The following DLG2 variants were observed in gnomAD, a reference collection of about 807,000 sequenced individuals.
The protein encoded by DLG2 is discs large MAGUK scaffold protein 2.
Under a neutral mutation model 132.5 loss-of-function variants are expected in DLG2, and 45 were observed. The ratio of observed to expected loss-of-function variants is 0.34; its 90% CI spans 0.27 to 0.44. The LOEUF is 0.44. Ranked by LOEUF, DLG2 falls within the 20% of genes least tolerant of loss-of-function variation. DLG2 has a pLI of 1.00. For synonymous variants in DLG2, 424 were observed against 419.6 expected, an observed-to-expected ratio of 1.01 and a Z score of -0.13; for missense variants, 1,045 against 1,196.9, an observed-to-expected ratio of 0.87 and a Z score of 1.87.
At chr11:85,053,632 C>CAAAAAA (rs574119257) in intron 6 of DLG2, among the ~76,000 whole-genome samples, 69 of 91,162 alleles carry the variant, frequency 7.6e-4, no homozygotes, top group Admixed American at 5.0e-3. Context: ...ACTAAAAATA[C>CAAAAAA]AAAAAAAAAA....
chr11:83,815,964 C>A (rs532763779), intron 17 of DLG2, among the ~76,000 whole-genome samples: 1 of 152,146 alleles, frequency 6.6e-6, no homozygotes, highest in East Asian at 1.9e-4. Context: ...TATGCCAAGT[C>A]GGACCCACTC....
At chr11:83,960,316 G>C (rs1490374994) in intron 14 of DLG2, among the ~76,000 whole-genome samples, 1 of 152,036 alleles carries the variant, frequency 6.6e-6, no homozygotes, top group Non-Finnish European at 1.5e-5. Flanking sequence ...AACTCTGCTA[G>C]TGCTACATAA....
chr11:84,156,249 T>C (rs2095426868), intron 9 of DLG2, among the ~76,000 whole-genome samples: 1 of 152,216 alleles, frequency 6.6e-6, no homozygotes, highest in Non-Finnish European at 1.5e-5. Context: ...TGGATTCTTA[T>C]GACATTAGCA....
intron 6 of DLG2, among the ~76,000 whole-genome samples, chr11:84,765,546 G>A (rs2068288195): frequency 6.6e-6 from 1 of 151,884 alleles, no homozygotes; most frequent in Non-Finnish European, 1.5e-5. Flanking sequence ...CATTTTTTAG[G>A]ATCTACTGTT....
At chr11:85,404,781 T>C (rs970539564) in intron 3 of DLG2, among the ~76,000 whole-genome samples, 7 of 152,054 alleles carry the variant, frequency 4.6e-5, no homozygotes, top group African/African-American at 1.7e-4. Context: ...TAAAACATGC[T>C]GACTCTTAAC....
intron 7 of DLG2, among the ~76,000 whole-genome samples, chr11:84,277,978 T>C (rs1221202535): frequency 1.3e-5 from 2 of 151,824 alleles, no homozygotes; most frequent in Non-Finnish European, 2.9e-5. Context: ...ACTGAAGACT[T>C]GAAATCCTGG....
At chr11:83,850,505 G>C (rs1050141418) in intron 16 of DLG2, among the ~76,000 whole-genome samples, 1 of 151,978 alleles carries the variant, frequency 6.6e-6, no homozygotes, top group Non-Finnish European at 1.5e-5. Flanking sequence ...AGAGAGATGG[G>C]GAGTGGGATA....
intron 9 of DLG2, among the ~76,000 whole-genome samples, chr11:84,158,597 G>T (rs920812359): frequency 6.6e-6 from 1 of 152,136 alleles, no homozygotes; most frequent in Admixed American, 6.5e-5. Context: ...GTAAAATGGA[G>T]TTAGCAACAT....
At chr11:84,916,410 T>C (rs930328462) in intron 6 of DLG2, among the ~76,000 whole-genome samples, 9 of 132,112 alleles carry the variant, frequency 6.8e-5, no homozygotes, top group African/African-American at 2.0e-4. Flanking sequence ...TAATTACTTA[T>C]CAAAGTATTT....
At chr11:84,784,321 A>AAAATAAAT (rs58436058) in intron 6 of DLG2, among the ~76,000 whole-genome samples, 8,521 of 124,244 alleles carry the variant, frequency 0.069, 384 homozygotes, top group East Asian at 0.21. Flanking sequence ...ACTCCACCTC[A>AAAATAAAT]AAATAAATAA....
chr11:84,522,095 G>A (rs1311119172), intron 7 of DLG2, among the ~76,000 whole-genome samples: 2 of 151,926 alleles, frequency 1.3e-5, no homozygotes, highest in Admixed American at 6.6e-5. Context: ...TTGAATCCAG[G>A]AGGCAGAGAC....
chr11:83,943,736 C>T (rs2083181620), intron 14 of DLG2, among the ~76,000 whole-genome samples: 1 of 152,174 alleles, frequency 6.6e-6, no homozygotes, highest in Non-Finnish European at 1.5e-5. Flanking sequence ...TTTACTGGTG[C>T]ATCTATTCAC....
intron 6 of DLG2, among the ~76,000 whole-genome samples, chr11:84,625,488 C>A (rs1484386279): frequency 6.6e-6 from 1 of 152,208 alleles, no homozygotes; most frequent in East Asian, 1.9e-4. Context: ...CAAATCAAGT[C>A]TGAAGTTTCT....
At chr11:85,456,344 G>A (rs1449065187) in intron 3 of DLG2, among the ~76,000 whole-genome samples, 1 of 151,902 alleles carries the variant, frequency 6.6e-6, no homozygotes, top group African/African-American at 2.4e-5. Context: ...TGTTTATTTG[G>A]ATTTTCTATA....
intron 6 of DLG2, among the ~76,000 whole-genome samples, chr11:84,608,203 A>C (rs1242631070): frequency 6.6e-6 from 1 of 152,214 alleles, no homozygotes; most frequent in Non-Finnish European, 1.5e-5. Context: ...GCCAGTGAGC[A>C]GTATTAGACA....
chr11:83,629,132 C>T (rs914708880), intron 19 of DLG2, among the ~76,000 whole-genome samples: 6 of 152,104 alleles, frequency 3.9e-5, no homozygotes, highest in Non-Finnish European at 8.8e-5. Flanking sequence ...CTTTCTAGAG[C>T]TAACAGATCT....
At chr11:84,856,822 A>C (rs1054953639) in intron 6 of DLG2, among the ~76,000 whole-genome samples, 1 of 152,026 alleles carries the variant, frequency 6.6e-6, no homozygotes, top group Admixed American at 6.6e-5. Flanking sequence ...CCTCTTCTCT[A>C]TACTAGCCTT....
At chr11:85,369,752 C>T (rs895475183) in intron 3 of DLG2, among the ~76,000 whole-genome samples, 2 of 152,146 alleles carry the variant, frequency 1.3e-5, no homozygotes, top group Non-Finnish European at 2.9e-5. Context: ...TTTCCTAGCC[C>T]TGTCTCTTAA....
intron 18 of DLG2, among the ~76,000 whole-genome samples, chr11:83,758,380 T>C (rs2093744061): frequency 6.6e-6 from 1 of 152,208 alleles, no homozygotes; most frequent in Non-Finnish European, 1.5e-5. Context: ...ACTGGATCCC[T>C]TGATCCTTTA....
Sources: allele counts gnomAD v4.1 joint callset (sites outside exome capture counted in the v4.1 genomes callset), GRCh38; gene constraint gnomAD v4.1.1; transcripts MANE v1.5; gene names NCBI Gene and HGNC (gene_info 2026-07-23, HGNC 2026-07-21).